EML4: variants seen among roughly 807,000 people sequenced by gnomAD.
The protein encoded by EML4 is echinoderm microtubule-associated protein-like 4.
In EML4, 72 loss-of-function variants were observed where a neutral mutation model predicts 129.0. The observed-to-expected ratio is 0.56, with a 90% confidence interval of 0.46 to 0.68. The LOEUF is 0.68. Among genes scored for constraint, EML4 ranks in the 30% least tolerant of loss-of-function variants. EML4 has a pLI of 0.00. For missense variants in EML4, 1,363 were observed against 1,190.6 expected (o/e 1.14, Z -2.13); for synonymous variants, 532 against 405.0 (o/e 1.31, Z -3.77).
At chr2:42,323,771 CA>C (rs11415234) in intron 19 of EML4, among the ~76,000 whole-genome samples, 36 of 137,520 alleles carry the variant, frequency 2.6e-4, no homozygotes, top group East Asian at 2.6e-3. Context: ...CCGTCTCTAC[CA>C]AAAAAAAAAA....
chr2:42,299,814 A>C (rs927208584), intron 13 of EML4, among the ~76,000 whole-genome samples: 2 of 152,046 alleles, frequency 1.3e-5, no homozygotes, highest in African/African-American at 4.8e-5. Context: ...TCAGCCTCCC[A>C]AGTAGCTGGG....
intron 6 of EML4, among the ~76,000 whole-genome samples, chr2:42,266,901 G>C (rs1396114030): frequency 6.6e-6 from 1 of 152,120 alleles, no homozygotes; most frequent in Admixed American, 6.5e-5. Flanking sequence ...ACTGAAATAG[G>C]GAACATTTGA....
chr2:42,177,053 A>T (rs1670648402), intron 1 of EML4, among the ~76,000 whole-genome samples: 2 of 152,164 alleles, frequency 1.3e-5, no homozygotes, highest in South Asian at 4.1e-4. Flanking sequence ...GAGGCCTCCC[A>T]GAGTGCTGGG....
intron 6 of EML4, among the ~76,000 whole-genome samples, chr2:42,273,752 T>G (rs2104434410): frequency 6.6e-6 from 1 of 152,302 alleles, no homozygotes; most frequent in African/African-American, 2.4e-5. Context: ...ACTAAAAATT[T>G]TTTAAATCTG....
intron 19 of EML4, among the ~76,000 whole-genome samples, chr2:42,319,212 G>A (rs1367978772): frequency 2.6e-5 from 4 of 152,110 alleles, no homozygotes; most frequent in African/African-American, 9.7e-5. Context: ...CTAACTCTTA[G>A]TAGAGCCGAC....
chr2:42,246,210 GT>G (rs1440249285), intron 2 of EML4, among the ~76,000 whole-genome samples: 2 of 152,166 alleles, frequency 1.3e-5, no homozygotes, highest in African/African-American at 2.4e-5. Context: ...AGTTTTCAAG[GT>G]TGAGACAAAC....
At chr2:42,244,103 T>C (rs1675222497) in intron 1 of EML4, among the ~76,000 whole-genome samples, 2 of 59,140 alleles carry the variant, frequency 3.4e-5, no homozygotes, top group Admixed American at 2.7e-4. Context: ...TGTTTTTTGT[T>C]TTTTTTTTTT....
At chr2:42,193,332 C>T (rs962560017) in intron 1 of EML4, among the ~76,000 whole-genome samples, 1 of 152,176 alleles carries the variant, frequency 6.6e-6, no homozygotes, top group Non-Finnish European at 1.5e-5. Context: ...TCAGAACTGA[C>T]ACATGTCTGT....
chr2:42,279,629 T>C (rs1456744843), intron 6 of EML4, among the ~76,000 whole-genome samples: 1 of 151,916 alleles, frequency 6.6e-6, no homozygotes, highest in African/African-American at 2.4e-5. Context: ...GGCTAATTTT[T>C]TTTATTTTTT....
chr2:42,189,999 C>CTT (rs36110068), intron 1 of EML4, among the ~76,000 whole-genome samples: 1 of 142,528 alleles, frequency 7.0e-6, no homozygotes, highest in Non-Finnish European at 1.5e-5. Context: ...AAATTGGGCT[C>CTT]TTTTTTTTTT....
At chr2:42,300,387 G>A (rs1668215174) in intron 13 of EML4, among the ~76,000 whole-genome samples, 1 of 152,082 alleles carries the variant, frequency 6.6e-6, no homozygotes. Flanking sequence ...CTTAAAAGGG[G>A]GCAAAATATA....
chr2:42,173,498 G>A, intron 1 of EML4, among the ~76,000 whole-genome samples: 1 of 152,266 alleles, frequency 6.6e-6, no homozygotes, highest in South Asian at 2.1e-4. Flanking sequence ...GTTCTTATGG[G>A]AAAGACAAGT....
chr2:42,233,858 C>G (rs1363411852), intron 1 of EML4, among the ~76,000 whole-genome samples: 1 of 152,108 alleles, frequency 6.6e-6, no homozygotes, highest in Non-Finnish European at 1.5e-5. Context: ...ATATGACTTG[C>G]TACTTTGTAT....
chr2:42,274,695 A>T (rs906778705), intron 6 of EML4, among the ~76,000 whole-genome samples: 1 of 152,212 alleles, frequency 6.6e-6, no homozygotes, highest in Admixed American at 6.5e-5. Flanking sequence ...AACACCTGAG[A>T]TAACTGTCCC....
chr2:42,220,922 C>G (rs771226194), intron 1 of EML4, among the ~76,000 whole-genome samples: 1 of 152,206 alleles, frequency 6.6e-6, no homozygotes, highest in Non-Finnish European at 1.5e-5. Context: ...GAGCAAGGCT[C>G]TAACTCTCTT....
chr2:42,244,888 T>G (rs916261133), intron 1 of EML4, among the ~76,000 whole-genome samples: 1 of 152,066 alleles, frequency 6.6e-6, no homozygotes, highest in Admixed American at 6.5e-5. Context: ...ATGATGTATT[T>G]AGGGAGCCTT....
At chr2:42,234,697 G>T (rs1005523668) in intron 1 of EML4, among the ~76,000 whole-genome samples, 1 of 152,170 alleles carries the variant, frequency 6.6e-6, no homozygotes, top group African/African-American at 2.4e-5. Context: ...GGTGGGTTTT[G>T]CTCAGCTTGT....
intron 1 of EML4, among the ~76,000 whole-genome samples, chr2:42,209,795 G>A (rs546128094): frequency 3.9e-5 from 6 of 152,046 alleles, no homozygotes; most frequent in Non-Finnish European, 7.4e-5. Context: ...TGGGCATAGC[G>A]ACGAGTGCCT....
At chr2:42,269,128 A>C (rs1236947939) in intron 6 of EML4, among the ~76,000 whole-genome samples, 3 of 152,228 alleles carry the variant, frequency 2.0e-5, no homozygotes, top group Non-Finnish European at 4.4e-5. Context: ...GAAAATTGAG[A>C]AGTAATTGAC....
Sources: gnomAD v4.1 joint callset for allele counts (sites outside exome capture counted in the v4.1 genomes callset) on GRCh38, gnomAD v4.1.1 for gene constraint, MANE v1.5 for transcripts, NCBI Gene and HGNC (gene_info 2026-07-23, HGNC 2026-07-21) for gene names.